Variants in SRBD1 observed in about 807,000 individuals in gnomAD.
The protein encoded by SRBD1 is S1 RNA binding domain 1, also known as S1 RNA-binding domain-containing protein 1.
A neutral mutation model predicts 115.3 loss-of-function variants in SRBD1; 88 were observed. That is an observed-to-expected ratio of 0.76 (90% confidence interval 0.64 to 0.91). The LOEUF (loss-of-function observed/expected upper bound fraction) is 0.91. SRBD1 is among the 40% of genes least tolerant of loss of function. The pLI, the probability that SRBD1 is intolerant of heterozygous loss-of-function variation, is 0.00. For missense variants in SRBD1, 1,385 were observed against 1,177.4 expected (o/e 1.18, Z -2.58); for synonymous variants, 509 against 407.7 (o/e 1.25, Z -2.99).
In SRBD1 at chr2:45,549,388, A is replaced by G. The variant is rs181228219; in HGVS notation, c.1675+1737T>C. Among the ~76,000 whole-genome samples the G allele has an allele frequency of 1.2e-4, 19 of 152,198 alleles. No individual in the cohort carries two copies. The East Asian group carries it at 3.5e-3, about 28-fold the overall frequency. Reference sequence around the variant, plus strand: ...ACTTGCCTGACCCAGCTTCTACTAAAAGTTCAAACTAACGTATGTAAAACT... The same window carrying G: ...ACTTGCCTGACCCAGCTTCTACTAAGAGTTCAAACTAACGTATGTAAAACT... On this transcript the variant is annotated intron_variant, in intron 12 of 20. Coordinates refer to ENST00000263736, the MANE Select transcript of SRBD1 (RefSeq NM_018079.5).
At chr2:45,609,567 A>T (rs1212669328) in intron 1 of SRBD1, among the ~76,000 whole-genome samples, 1 of 152,212 alleles carries the variant, frequency 6.6e-6, no homozygotes, top group Non-Finnish European at 1.5e-5. Context: ...GCCTTTGAAA[A>T]GGCCCTGTCG....
rs1490425581 is a variant in SRBD1, at chr2:45,476,858, A to G, written c.2049+135T>C. On this transcript the variant is annotated intron_variant, in intron 16 of 20. Transcript: ENST00000263736. ...TTCCCTCCTTCCCTGATGACTTAAA[A>G]CTCCTACTTTCCACAAACTGTATAA... 44 of 704,246 alleles carry G rather than the reference A, an allele frequency of 6.2e-5. No individual in the cohort carries two copies. The East Asian group carries it at 1.2e-3, about 19-fold the overall frequency. 43.6% of individuals were successfully genotyped at this position (704,246 alleles called of 1,614,324 possible).
intron 14 of SRBD1, among the ~76,000 whole-genome samples, chr2:45,496,370 C>A (rs561167394): frequency 6.6e-6 from 1 of 150,966 alleles, no homozygotes; most frequent in African/African-American, 2.4e-5. Flanking sequence ...TATATTTTCC[C>A]AATAATACTG....
At chr2:45,437,494 C>G (rs1041812354) in intron 16 of SRBD1, among the ~76,000 whole-genome samples, 1 of 152,114 alleles carries the variant, frequency 6.6e-6, no homozygotes, top group Non-Finnish European at 1.5e-5. Flanking sequence ...ACAGGTGGTG[C>G]TGGAACAACT....
chr2:45,588,424 T>A (rs1029046423), intron 4 of SRBD1, among the ~76,000 whole-genome samples: 40 of 152,316 alleles, frequency 2.6e-4, no homozygotes, highest in African/African-American at 8.9e-4. Context: ...CTTGTTATCT[T>A]CCCTGACCCT....
At chr2:45,525,632 ATTAGCTCCAT>A (rs1377595426) in intron 14 of SRBD1, among the ~76,000 whole-genome samples, 2 of 152,062 alleles carry the variant, frequency 1.3e-5, no homozygotes, top group African/African-American at 4.8e-5. Context: ...ATAGACGTTA[ATTAGCTCCAT>A]TTAGTCATTA....
chr2:45,413,720 G>T (rs756277859), intron 18 of SRBD1, among the ~76,000 whole-genome samples: 2 of 152,090 alleles, frequency 1.3e-5, no homozygotes, highest in Non-Finnish European at 2.9e-5. Flanking sequence ...CTGAGGTCAG[G>T]AGTTCGAGAC....
chr2:45,514,452 T>C (rs889078276), intron 14 of SRBD1, among the ~76,000 whole-genome samples: 1 of 152,168 alleles, frequency 6.6e-6, no homozygotes, highest in African/African-American at 2.4e-5. Flanking sequence ...ACAACTTATC[T>C]ATGAAAAGGG....
At chr2:45,495,278 C>T (rs1453631090) in intron 14 of SRBD1, among the ~76,000 whole-genome samples, 1 of 152,174 alleles carries the variant, frequency 6.6e-6, no homozygotes. Context: ...TTCCAAACTT[C>T]ACAGAGATGA....
At position 45,481,533 on chromosome 2, in the gene SRBD1, G is replaced by A. The variant is rs566748609; in HGVS notation, c.1967-4458C>T. ...ATGAAAGAGGCAGAGAATAAATGAC[G>A]AGGACAGCAAAGTAATAGAAGTCAA... On this transcript the variant is annotated intron_variant, in intron 15 of 20. Transcript: ENST00000263736. Among the ~76,000 whole-genome samples the A allele has an allele frequency of 1.8e-3, 275 of 152,206 alleles. 1 individual carries two copies. The highest frequency in any genetic ancestry group is 6.8e-3 in the Middle Eastern group (2 of 294).
chr2:45,611,112 C>T (rs557856709), intron 1 of SRBD1, 107 bp downstream of exon 1: 3 of 152,150 alleles, frequency 2.0e-5, no homozygotes, highest in African/African-American at 7.2e-5. Flanking sequence ...GTGTTATTGC[C>T]CAAATGAGCG....
chr2:45,458,991 G>A (rs1381565419), intron 16 of SRBD1, among the ~76,000 whole-genome samples: 1 of 151,964 alleles, frequency 6.6e-6, no homozygotes, highest in Non-Finnish European at 1.5e-5. Context: ...AGGAAAGGCA[G>A]GCTGTCAACA....
At chr2:45,470,790 A>G (rs1365928329) in intron 16 of SRBD1, among the ~76,000 whole-genome samples, 3 of 149,002 alleles carry the variant, frequency 2.0e-5, no homozygotes, top group Non-Finnish European at 4.4e-5. Context: ...AGTTAGGGAT[A>G]TGTTGTCATT....
At chr2:45,593,842 C>A (rs1673802586) in intron 4 of SRBD1, among the ~76,000 whole-genome samples, 1 of 152,044 alleles carries the variant, frequency 6.6e-6, no homozygotes, top group Admixed American at 6.5e-5. Flanking sequence ...AAGGAAAAAC[C>A]AGTGCTGTTA....
chr2:45,597,841 AAC>A, intron 4 of SRBD1, among the ~76,000 whole-genome samples: 1 of 152,328 alleles, frequency 6.6e-6, no homozygotes, highest in East Asian at 1.9e-4. Flanking sequence ...CTTTCCCTGT[AAC>A]AGAGGGTGGG....
At chr2:45,460,045 G>C (rs191566473) in intron 16 of SRBD1, among the ~76,000 whole-genome samples, 33 of 152,252 alleles carry the variant, frequency 2.2e-4, no homozygotes, top group African/African-American at 7.2e-4. Flanking sequence ...CTAATCTAGA[G>C]TCCAAATTTC....
intron 16 of SRBD1, among the ~76,000 whole-genome samples, chr2:45,459,847 C>T (rs1313010726): frequency 2.6e-5 from 4 of 152,114 alleles, no homozygotes; most frequent in African/African-American, 9.7e-5. Flanking sequence ...TCCACTAAAC[C>T]ACACTGAACA....
intron 14 of SRBD1, chr2:45,546,040 C>T (rs1672109784): frequency 6.0e-6 from 3 of 499,942 alleles, no homozygotes; most frequent in Non-Finnish European, 7.8e-6. Context: ...GCCATTATAA[C>T]TACTCTCTCT....
intron 14 of SRBD1, among the ~76,000 whole-genome samples, chr2:45,528,772 G>C (rs907125804): frequency 2.6e-5 from 4 of 151,772 alleles, no homozygotes; most frequent in Non-Finnish European, 5.9e-5. Flanking sequence ...TTTAAGAGTG[G>C]GGAAGAGGTA....
Sources: gnomAD v4.1 joint callset for allele counts (sites outside exome capture counted in the v4.1 genomes callset) on GRCh38, gnomAD v4.1.1 for gene constraint, MANE v1.5 for transcripts, NCBI Gene and HGNC (gene_info 2026-07-23, HGNC 2026-07-21) for gene names.